Variants in CLHC1 observed in about 807,000 individuals in gnomAD.
CLHC1 encodes clathrin heavy chain linker domain-containing protein 1.
CLHC1 carries 72 observed loss-of-function variants against 69.5 expected under a neutral mutation model. That is an observed-to-expected ratio of 1.04 (90% CI 0.86 to 1.26). The LOEUF is 1.26. CLHC1 is among the 50% of genes most tolerant of loss of function. The pLI, the probability that CLHC1 is intolerant of heterozygous loss-of-function variation, is 0.00. For synonymous variants in CLHC1, 223 were observed against 224.3 expected, an observed-to-expected ratio of 0.99 and a Z score of 0.05; for missense variants, 790 against 679.3, an observed-to-expected ratio of 1.16 and a Z score of -1.81.
intron 9 of CLHC1, among the ~76,000 whole-genome samples, chr2:55,191,408 G>A (rs543350631): frequency 6.6e-6 from 1 of 152,178 alleles, no homozygotes; most frequent in East Asian, 1.9e-4. Context: ...GCTAATTTTT[G>A]TATTTTTAGT....
intron 9 of CLHC1, among the ~76,000 whole-genome samples, chr2:55,203,960 T>C (rs1436210815): frequency 6.6e-6 from 1 of 151,994 alleles, no homozygotes; most frequent in Non-Finnish European, 1.5e-5. Flanking sequence ...AACAACTCCA[T>C]AGGAAAAAAA....
At chr2:55,230,578 G>A (rs1372688723) in intron 1 of CLHC1, among the ~76,000 whole-genome samples, 3 of 152,134 alleles carry the variant, frequency 2.0e-5, no homozygotes, top group Non-Finnish European at 2.9e-5. Flanking sequence ...CAAAGCAGAG[G>A]TCCAAGGACT....
chr2:55,201,791 A>T (rs1671968623), intron 9 of CLHC1, among the ~76,000 whole-genome samples: 2 of 152,128 alleles, frequency 1.3e-5, no homozygotes. Flanking sequence ...CCCCAATAAC[A>T]CATTAAAAAA....
In CLHC1 at chr2:55,177,615, A is replaced by G. The variant is rs1321639736; in HGVS notation, c.1551T>C (p.Asn517=). The change falls in exon 12 of 13, where the codon AAT becomes AAC. Residue 517 remains asparagine, a synonymous_variant. Coordinates refer to ENST00000401408, the MANE Select transcript of CLHC1 (RefSeq NM_152385.4). ...KVGIKLLQEI[N]KGGIDAVESL... is the part of the protein sequence containing the mutation. ...TATTCTACTTACCTATCCCACCTTT[A>G]TTGATTTCTTGAAGTAGCTTAATGC... is the stretch of plus-strand genomic sequence containing the variant. 1.2e-6 allele frequency: 2 copies of G among 1,603,222 alleles called. No homozygotes were observed. Among genetic ancestry groups the G allele is most frequent in the Non-Finnish European group, 1.7e-6 (2 of 1,173,686 alleles).
At chr2:55,200,260 A>AT (rs375557755) in intron 9 of CLHC1, among the ~76,000 whole-genome samples, 31 of 122,166 alleles carry the variant, frequency 2.5e-4, no homozygotes, top group East Asian at 1.6e-3. Context: ...GGCTGAGTAG[A>AT]TAAAAAAAAA....
At chr2:55,183,491 T>C (rs1049619008) in intron 9 of CLHC1, among the ~76,000 whole-genome samples, 2 of 152,226 alleles carry the variant, frequency 1.3e-5, no homozygotes, top group Non-Finnish European at 2.9e-5. Context: ...AGATCAAAGC[T>C]TGGTAAAACC....
chr2:55,225,505 C>T (rs1201315023), intron 2 of CLHC1: 4 of 152,232 alleles, frequency 2.6e-5, no homozygotes, highest in Admixed American at 2.6e-4. Context: ...TTGGGGTCTC[C>T]CGGGAAGCTG....
chr2:55,220,588 C>T lies in CLHC1; in HGVS notation c.177+1647G>A, dbSNP rs548656377. Among the ~76,000 whole-genome samples the T allele has an allele frequency of 2.4e-3, 370 of 152,210 alleles. 1 individual carries two copies. Among genetic ancestry groups the T allele is most frequent in the Non-Finnish European group, 4.2e-3 (286 of 68,008 alleles). ...TATGTCAATATTATTTTCTATTTAA[C>T]ACCATATGTTTTCTCTAGGAATTAA... On this transcript the variant is annotated intron_variant, in intron 3 of 12. Transcript: ENST00000401408.
chr2:55,226,756 C>T (rs556050581), intron 2 of CLHC1, among the ~76,000 whole-genome samples: 8 of 152,182 alleles, frequency 5.3e-5, no homozygotes, highest in South Asian at 2.1e-4. Context: ...CTTAGCCTCC[C>T]GAGTAGCTGA....
chr2:55,221,040 T>C (rs1674063883), intron 3 of CLHC1, among the ~76,000 whole-genome samples: 1 of 152,220 alleles, frequency 6.6e-6, no homozygotes, highest in African/African-American at 2.4e-5. Flanking sequence ...TAGGTATATA[T>C]CACTATCTGA....
chr2:55,226,178 C>T (rs1035346098), intron 2 of CLHC1, among the ~76,000 whole-genome samples: 20 of 134,446 alleles, frequency 1.5e-4, no homozygotes, highest in Non-Finnish European at 3.1e-5. Context: ...GGCAACTGAG[C>T]GAGACTCCAT....
intron 9 of CLHC1, among the ~76,000 whole-genome samples, chr2:55,202,968 A>C (rs538171867): frequency 6.0e-4 from 91 of 152,256 alleles, no homozygotes; most frequent in Non-Finnish European, 1.2e-3. Context: ...TCAACATATA[A>C]AAATCAGTGC....
intron 1 of CLHC1, among the ~76,000 whole-genome samples, chr2:55,231,363 T>C (rs946804942): frequency 2.0e-5 from 3 of 151,848 alleles, no homozygotes; most frequent in Admixed American, 6.6e-5. Context: ...TACTAAAATG[T>C]AGAGTAATGG....
chr2:55,205,147 C>T (rs899057875), intron 9 of CLHC1, among the ~76,000 whole-genome samples: 1 of 151,978 alleles, frequency 6.6e-6, no homozygotes, highest in Non-Finnish European at 1.5e-5. Flanking sequence ...GAAAAGGGAA[C>T]GCTTTTACAT....
At chr2:55,180,848 C>A (rs1004533634) in intron 10 of CLHC1, 136 bp from the exon 11 acceptor site, 5 of 632,638 alleles carry the variant, frequency 7.9e-6, no homozygotes, top group Non-Finnish European at 1.4e-5. Flanking sequence ...ATTTAATAGG[C>A]AATTGATTAT....
chr2:55,176,855 G>T (rs1213382549), intron 12 of CLHC1, among the ~76,000 whole-genome samples: 2 of 152,102 alleles, frequency 1.3e-5, no homozygotes, highest in Non-Finnish European at 2.9e-5. Context: ...TTAATGAAAA[G>T]AAAATAAAAG....
intron 11 of CLHC1, among the ~76,000 whole-genome samples, chr2:55,178,868 C>T (rs1285561019): frequency 2.0e-5 from 3 of 151,574 alleles, no homozygotes; most frequent in Non-Finnish European, 4.4e-5. Flanking sequence ...TTGAACTCCT[C>T]GTCTCCCTTT....
intron 11 of CLHC1, among the ~76,000 whole-genome samples, chr2:55,178,104 C>T (rs1005400197): frequency 2.0e-5 from 3 of 152,152 alleles, no homozygotes; most frequent in African/African-American, 4.8e-5. Context: ...ATAGCTCCAT[C>T]AGTCACTTAC....
chr2:55,195,298 G>A (rs1160993745), intron 9 of CLHC1, among the ~76,000 whole-genome samples: 5 of 152,128 alleles, frequency 3.3e-5, no homozygotes, highest in Admixed American at 3.3e-4. Context: ...GTGTTTCTGT[G>A]CCTGGCTTAG....
Sources: gnomAD v4.1 joint callset for allele counts (sites outside exome capture counted in the v4.1 genomes callset) on GRCh38, gnomAD v4.1.1 for gene constraint, MANE v1.5 for transcripts, NCBI Gene and HGNC (gene_info 2026-07-23, HGNC 2026-07-21) for gene names.